The following MCTP2 variants were observed in gnomAD, a reference collection of about 807,000 sequenced individuals.
MCTP2 encodes the protein multiple C2 and transmembrane domain-containing protein 2.
A neutral mutation model predicts 111.6 loss-of-function variants in MCTP2; 132 were observed. The ratio of observed to expected loss-of-function variants is 1.18; its 90% CI spans 1.03 to 1.37. MCTP2 has a LOEUF of 1.37. Among genes scored for constraint, MCTP2 ranks in the 40% most tolerant of loss-of-function variants. The pLI is 0.00. For missense variants in MCTP2, 1,183 were observed against 1,067.9 expected (o/e 1.11, Z -1.50); for synonymous variants, 395 against 387.7 (o/e 1.02, Z -0.22).
rs1226561773 is a variant in MCTP2 at position 94,265,059 on chromosome 15, T to C, written c.-65-33142T>C. Among the ~76,000 whole-genome samples the C allele has an allele frequency of 3.3e-5, 5 of 152,200 alleles. No individual in the cohort carries two copies. In the East Asian group the frequency reaches 9.6e-4, roughly 29 times the overall value. Reference sequence around the variant, plus strand: ...GATGTGCGTATGCCTGTTGTGCTGATTTGTGATATGTTTGTGTATACATGT... The same window carrying C: ...GATGTGCGTATGCCTGTTGTGCTGACTTGTGATATGTTTGTGTATACATGT... On this transcript the variant is annotated intron_variant, in intron 1 of 22. Coordinates refer to ENST00000357742, the MANE Select transcript of MCTP2 (RefSeq NM_001385001.1).
At chr15:94,243,647 ATG>A (rs2071326114) in intron 1 of MCTP2, among the ~76,000 whole-genome samples, 1 of 149,022 alleles carries the variant, frequency 6.7e-6, no homozygotes, top group African/African-American at 2.5e-5. Context: ...ATACATATAT[ATG>A]TATACACATA....
chr15:94,302,456 G>A (rs2075663553), intron 2 of MCTP2, among the ~76,000 whole-genome samples: 1 of 152,312 alleles, frequency 6.6e-6, no homozygotes, highest in African/African-American at 2.4e-5. Context: ...AAGAAGGAAT[G>A]TGAAAAACAG....
rs568059273 is a variant in MCTP2, at chr15:94,432,631, GT to G, written c.2086-7538del. Among the ~76,000 whole-genome samples, 292 of 152,214 alleles carry G rather than the reference GT, an allele frequency of 1.9e-3. 2 individuals are homozygous for G. The highest frequency in any genetic ancestry group is 6.7e-3 in the African/African-American group (277 of 41,544). On this transcript the variant is annotated intron_variant, in intron 17 of 22. Coordinates refer to ENST00000357742, the MANE Select transcript of MCTP2 (RefSeq NM_001385001.1). ...ATGAGGCTCTTGATTTCATTGTTCA[GT>G]TTTTTTAAACACTACTTTCATGGAC... is the stretch of plus-strand genomic sequence containing the variant.
intron 2 of MCTP2, among the ~76,000 whole-genome samples, chr15:94,303,724 G>A (rs754706056): frequency 7.9e-5 from 12 of 152,080 alleles, no homozygotes; most frequent in South Asian, 2.1e-4. Flanking sequence ...GTGGGGACAC[G>A]GAGCAAACTT....
chr15:94,384,668 GGCCCT>G (rs1484537064), intron 13 of MCTP2, among the ~76,000 whole-genome samples: 1 of 152,166 alleles, frequency 6.6e-6, no homozygotes, highest in African/African-American at 2.4e-5. Context: ...ATTGAGGGGA[GGCCCT>G]GTTGAATTTG....
intron 2 of MCTP2, among the ~76,000 whole-genome samples, chr15:94,310,752 A>T (rs990378514): frequency 6.6e-6 from 1 of 151,180 alleles, no homozygotes; most frequent in African/African-American, 2.4e-5. Context: ...CTATTTAAAA[A>T]TTTTTATATT....
chr15:94,283,855 A>G (rs190434938), intron 1 of MCTP2, among the ~76,000 whole-genome samples: 1 of 152,274 alleles, frequency 6.6e-6, no homozygotes, highest in Admixed American at 6.5e-5. Context: ...CCAAAACACA[A>G]TACATTAAAA....
intron 2 of MCTP2, among the ~76,000 whole-genome samples, chr15:94,313,250 C>T (rs2076228693): frequency 6.6e-6 from 1 of 152,144 alleles, no homozygotes; most frequent in Non-Finnish European, 1.5e-5. Context: ...CACATTCAGC[C>T]CAGAAACTCT....
Position 94,274,629 on chromosome 15 carries a change from C to T in MCTP2, c.-65-23572C>T, listed in dbSNP as rs575583025. 3.4e-4 allele frequency among the ~76,000 whole-genome samples: 52 copies of T among 152,066 alleles called. 2 individuals are homozygous for T. In the South Asian group the frequency reaches 8.3e-3, roughly 24 times the overall value. ...CTAAATACTTTAACATGGACAAACT[C>T]CCCCCTCCCCACAACAGCAAACATA... On this transcript the variant is annotated intron_variant, in intron 1 of 22. Coordinates refer to ENST00000357742, the MANE Select transcript of MCTP2 (RefSeq NM_001385001.1).
intron 1 of MCTP2, among the ~76,000 whole-genome samples, chr15:94,292,685 C>T (rs1024642769): frequency 5.3e-5 from 8 of 152,204 alleles, no homozygotes; most frequent in African/African-American, 1.7e-4. Context: ...TGTCAGCACT[C>T]TCCAAACTGC....
At chr15:94,425,204 T>C (rs1315792388) in intron 17 of MCTP2, among the ~76,000 whole-genome samples, 1 of 152,238 alleles carries the variant, frequency 6.6e-6, no homozygotes, top group Non-Finnish European at 1.5e-5. Flanking sequence ...GTATCACTTA[T>C]TGAATATTCT....
At chr15:94,317,748 G>C (rs1412971034) in intron 4 of MCTP2, among the ~76,000 whole-genome samples, 1 of 152,038 alleles carries the variant, frequency 6.6e-6, no homozygotes, top group African/African-American at 2.4e-5. Context: ...ATCTCATGTG[G>C]CTTTCATCTT....
intron 8 of MCTP2, among the ~76,000 whole-genome samples, chr15:94,354,062 T>C (rs2078468609): frequency 6.6e-6 from 1 of 151,714 alleles, no homozygotes; most frequent in African/African-American, 2.4e-5. Context: ...ATGGAACATA[T>C]TCAATAATAA....
At chr15:94,326,103 G>A (rs561268350) in intron 4 of MCTP2, among the ~76,000 whole-genome samples, 67 of 152,060 alleles carry the variant, frequency 4.4e-4, no homozygotes, top group Non-Finnish European at 8.2e-4. Context: ...ACAGGCATGA[G>A]CCACCGTGGC....
At chr15:94,464,269 A>AT (rs1312078954) in intron 20 of MCTP2, among the ~76,000 whole-genome samples, 14 of 61,468 alleles carry the variant, frequency 2.3e-4, no homozygotes, top group East Asian at 4.3e-4. Context: ...ATATATATAT[A>AT]TATATATATA....
intron 8 of MCTP2, among the ~76,000 whole-genome samples, chr15:94,348,103 G>A (rs558556868): frequency 5.3e-5 from 8 of 152,198 alleles, no homozygotes; most frequent in Admixed American, 4.6e-4. Flanking sequence ...TCTAAAGTAA[G>A]AAACATGACT....
In MCTP2 at chr15:94,476,777, C is replaced by T. The variant is rs372254409; in HGVS notation, c.2552C>T (p.Pro851Leu). ...CTACTAGACTTCCTCTCTAGGGTAC[C>T]GTCTGATGTTCAAAAGGTATGTAAT... Reference protein sequence around the residue: ...NELLDFLSRVPSDVQKVQYAE... With the variant: ...NELLDFLSRVLSDVQKVQYAE... The change falls in exon 22 of 23, where the codon CCG becomes CTG. Residue 851 changes from proline to leucine, a missense_variant. By Grantham distance (98) the Pro-to-Leu change is moderately conservative. Coordinates refer to ENST00000357742, the MANE Select transcript of MCTP2 (RefSeq NM_001385001.1). The T allele has an allele frequency of 1.5e-5, 24 of 1,597,344 alleles. No homozygotes were observed. Among genetic ancestry groups the T allele is most frequent in the Middle Eastern group, 1.7e-4 (1 of 6,034 alleles).
intron 19 of MCTP2, among the ~76,000 whole-genome samples, chr15:94,456,226 T>C (rs1461928434): frequency 6.6e-6 from 1 of 152,300 alleles, no homozygotes; most frequent in South Asian, 2.1e-4. Flanking sequence ...AAACATCAAA[T>C]TCATTATAAA....
intron 17 of MCTP2, among the ~76,000 whole-genome samples, chr15:94,419,371 T>G (rs1044588643): frequency 5.9e-5 from 9 of 152,204 alleles, no homozygotes; most frequent in African/African-American, 2.2e-4. Context: ...AATTTTGATT[T>G]GGTAACCTTT....
Sources: gnomAD v4.1 joint callset for allele counts (sites outside exome capture counted in the v4.1 genomes callset) on GRCh38, gnomAD v4.1.1 for gene constraint, MANE v1.5 for transcripts, NCBI Gene and HGNC (gene_info 2026-07-23, HGNC 2026-07-21) for gene names.